Variants in BMP2K observed in about 807,000 individuals in gnomAD.
BMP2K encodes the protein BMP2 inducible kinase, also known as BMP-2-inducible protein kinase.
Under a neutral mutation model 116.0 loss-of-function variants are expected in BMP2K, and 74 were observed. That is an observed-to-expected ratio of 0.64 (90% confidence interval 0.53 to 0.77). The LOEUF (loss-of-function observed/expected upper bound fraction) is 0.77, where lower values mean the gene tolerates loss of function less well. Among genes scored for constraint, BMP2K ranks in the 30% least tolerant of loss-of-function variants. The pLI is 0.00. For missense variants in BMP2K, 1,365 were observed against 1,403.6 expected, an observed-to-expected ratio of 0.97 and a Z score of 0.44; for synonymous variants, 486 against 502.5, an observed-to-expected ratio of 0.97 and a Z score of 0.44.
In BMP2K at chr4:78,776,611, CTGG is replaced by C; in HGVS notation, c.69_71del (p.Gly25del). 8.4e-7 allele frequency: 1 copy of C among 1,190,734 alleles called. No individual in the cohort carries two copies. 73.8% of individuals were successfully genotyped at this position (1,190,734 alleles called of 1,614,324 possible). ...GGCGGCGGAGCGGCGGGTGGCGGGG[CTGG>C]CGGGGCCGGGGCCGGGGCCGGCTGC... On this transcript the variant is annotated inframe_deletion, in exon 1 of 16. Transcript: ENST00000502613.
rs775002265 is a variant in BMP2K at position 78,911,132 on chromosome 4, CCTT to C, written c.2589_2591del (p.Phe864del). On this transcript the variant is annotated inframe_deletion, in exon 16 of 16. Transcript: ENST00000502613. ...GAGTTTGATGTATTTGGCGCTGTCC[CCTT>C]CTTTGCAGTGCGTGCTCAACAGCCC... 17 of 1,613,998 alleles carry C rather than the reference CCTT, an allele frequency of 1.1e-5. No individual in the cohort carries two copies. The highest frequency in any genetic ancestry group is 1.3e-5 in the Non-Finnish European group (15 of 1,179,888).
chr4:78,782,648 G>GA (rs967965069), intron 1 of BMP2K, among the ~76,000 whole-genome samples: 4 of 151,836 alleles, frequency 2.6e-5, no homozygotes, highest in African/African-American at 9.7e-5. Flanking sequence ...AAACAGGAAA[G>GA]AAAAAAAATA....
chr4:78,847,355 G>A (rs1731058318), intron 6 of BMP2K, 86 bp downstream of exon 6: 6 of 910,022 alleles, frequency 6.6e-6, no homozygotes, highest in Non-Finnish European at 9.4e-6. Flanking sequence ...CTCCCCAAAA[G>A]GCATTTCCTA....
chr4:78,895,677 TAAAG>T (rs1262956135), intron 15 of BMP2K, among the ~76,000 whole-genome samples: 1 of 152,194 alleles, frequency 6.6e-6, no homozygotes, highest in Non-Finnish European at 1.5e-5. Context: ...TATCTATTGT[TAAAG>T]AAAAATCATC....
At position 78,911,642 on chromosome 4, in the gene BMP2K, G is replaced by A. The variant is rs1458362640; in HGVS notation, c.3095G>A (p.Ser1032Asn). 1.2e-6 allele frequency: 2 copies of A among 1,613,864 alleles called. No individual in the cohort carries two copies. Among genetic ancestry groups the A allele is most frequent in the Non-Finnish European group, 1.7e-6 (2 of 1,179,884 alleles). Residue 1032 changes from serine (S) to asparagine (N), a missense_variant, in exon 16 of 16, where the codon AGC (serine) becomes AAC (asparagine). Physicochemically the swap from Ser to Asn is conservative, Grantham distance 46. This residue lies in a region of BMP2K where 596 missense variants were observed against 623.2 expected (regional missense o/e 0.96). Coordinates refer to ENST00000502613, the MANE Select transcript of BMP2K (RefSeq NM_198892.2). ...GTGGGCCGCCGAGACTCTCAAAGTA[G>A]CAATGAATTTTTAACCATCTCAGAC... Reference protein sequence around the residue: ...KKVGRRDSQSSNEFLTISDSK... With the variant: ...KKVGRRDSQSNNEFLTISDSK...
chr4:78,793,994 C>T (rs1728132455), intron 1 of BMP2K, among the ~76,000 whole-genome samples: 1 of 152,084 alleles, frequency 6.6e-6, no homozygotes, highest in Admixed American at 6.5e-5. Context: ...GTGCACTTTG[C>T]AGTTGGGGTT....
chr4:78,865,443 A>G, intron 9 of BMP2K, 114 bp from the exon 10 acceptor site: 2 of 952,448 alleles, frequency 2.1e-6, no homozygotes, highest in Admixed American at 2.5e-5. Flanking sequence ...ATGAGGACTA[A>G]TGCGATTATC....
intron 2 of BMP2K, among the ~76,000 whole-genome samples, chr4:78,829,918 T>TTGGCTCACTGCAACCTTGGCCTCC (rs1240299068): frequency 1.8e-4 from 28 of 151,792 alleles, no homozygotes; most frequent in African/African-American, 6.8e-4. Flanking sequence ...TGGTGTGATC[T>TTGGCTCACTGCAACCTTGGCCTCC]TGGCTCACTG....
At position 78,911,162 on chromosome 4, in the gene BMP2K, A is replaced by G; in HGVS notation, c.2615A>G (p.Gln872Arg). 6 of 1,613,874 alleles carry G rather than the reference A, an allele frequency of 3.7e-6. No individual in the cohort carries two copies. The highest frequency in any genetic ancestry group is 5.1e-6 in the Non-Finnish European group (6 of 1,179,826). ...TTTGCAGTGCGTGCTCAACAGCCCC[A>G]GCAAGAAAAGAATGAAAAGAACCTC... ...PFFAVRAQQP[Q>R]QEKNEKNLPQ... The change falls in exon 16 of 16, where the codon CAG becomes CGG. Residue 872 changes from glutamine (Q) to arginine (R), a missense_variant. Around this residue, in one of 3 missense-constraint regions of BMP2K, gnomAD observed 596 missense variants for 623.2 expected, o/e 0.96. Transcript: ENST00000502613.
At chr4:78,872,008 G>A (rs2110060000) in intron 12 of BMP2K, 60 bp downstream of exon 12, 1 of 1,174,952 alleles carries the variant, frequency 8.5e-7, no homozygotes, top group Non-Finnish European at 1.2e-6. Flanking sequence ...GGAATTCACA[G>A]TATGAATCAT....
chr4:78,886,829 ACTGT>A (rs1424635895), intron 14 of BMP2K, among the ~76,000 whole-genome samples: 3 of 152,162 alleles, frequency 2.0e-5, no homozygotes, highest in African/African-American at 7.2e-5. Context: ...ATTTTTGGAG[ACTGT>A]CTGTCAAATA....
chr4:78,851,053 ATAAG>A lies in BMP2K; in HGVS notation c.883+4_883+7del, dbSNP rs780720210. 1.2e-6 allele frequency: 2 copies of A among 1,607,958 alleles called. No individual in the cohort carries two copies. The highest frequency in any genetic ancestry group is 1.7e-4 in the Middle Eastern group (1 of 5,950). ...TTACTCCCGTAACATACATTGCTTA[ATAAG>A]TAAGTATTTGGGAAAATGTATGAAA... On this transcript the variant is annotated splice_donor_variant and coding_sequence_variant, in exon 7 of 16. Transcript: ENST00000502613. LOFTEE classifies it high-confidence loss of function.
Position 78,857,754 on chromosome 4 carries a change from G to C in BMP2K, c.884-1830G>C, listed in dbSNP as rs141092174. Among the ~76,000 whole-genome samples the C allele has an allele frequency of 4.3e-4, 65 of 152,180 alleles. No homozygotes were observed. In the East Asian group the frequency reaches 0.012, roughly 27 times the overall value. ...ACTTTGTGTGAGCTATCTTTAGAAA[G>C]ACTCAACGGAGAATTTGCTCTCTAG... On this transcript the variant is annotated intron_variant, in intron 7 of 15. Coordinates refer to ENST00000502613, the MANE Select transcript of BMP2K (RefSeq NM_198892.2).
At chr4:78,787,030 AGGTGTG>A (rs1727764478) in intron 1 of BMP2K, among the ~76,000 whole-genome samples, 1 of 152,174 alleles carries the variant, frequency 6.6e-6, no homozygotes, top group Non-Finnish European at 1.5e-5. Context: ...CTGGGATTAC[AGGTGTG>A]AGGCACCATG....
At chr4:78,844,904 CAT>C in intron 4 of BMP2K, 22 bp from the exon 5 acceptor site, 1 of 1,554,668 alleles carries the variant, frequency 6.4e-7, no homozygotes, top group Non-Finnish European at 8.8e-7. Flanking sequence ...AAATACTACT[CAT>C]TATTGATTTT....
intron 1 of BMP2K, 152 bp downstream of exon 1, chr4:78,776,873 C>CT: frequency 1.3e-6 from 1 of 760,988 alleles, no homozygotes; most frequent in Non-Finnish European, 1.8e-6. Flanking sequence ...GTGGCTCGGG[C>CT]TTTCTCTCTT....
In BMP2K at chr4:78,859,582, A is replaced by G; in HGVS notation, c.884-2A>G. Reference sequence around the variant, plus strand: ...TCTTAACATTTTGATCTATTCTTGCAGGGTTCATGCTTGAACCAGATCCGG... The same window carrying G: ...TCTTAACATTTTGATCTATTCTTGCGGGGTTCATGCTTGAACCAGATCCGG... On this transcript the variant is annotated splice_acceptor_variant, in intron 7 of 15. Coordinates refer to ENST00000502613, the MANE Select transcript of BMP2K (RefSeq NM_198892.2). LOFTEE classifies it high-confidence loss of function. 2 of 1,594,744 alleles carry G rather than the reference A, an allele frequency of 1.3e-6. No homozygotes were observed. The highest frequency in any genetic ancestry group is 1.7e-5 in the Admixed American group (1 of 58,320).
At chr4:78,785,847 C>T (rs1295062419) in intron 1 of BMP2K, among the ~76,000 whole-genome samples, 2 of 152,126 alleles carry the variant, frequency 1.3e-5, no homozygotes, top group East Asian at 3.8e-4. Context: ...TCTTTCCTTG[C>T]CAAACCAATT....
chr4:78,871,148 C>T, intron 11 of BMP2K, 88 bp downstream of exon 11: 7 of 1,547,792 alleles, frequency 4.5e-6, no homozygotes, highest in Non-Finnish European at 6.1e-6. Flanking sequence ...GTATCATGGG[C>T]ACCTTGAACT....
Sources: allele counts gnomAD v4.1 joint callset (sites outside exome capture counted in the v4.1 genomes callset), GRCh38; gene constraint gnomAD v4.1.1; regional missense constraint gnomAD v4.1.1; transcripts MANE v1.5; gene names NCBI Gene and HGNC (gene_info 2026-07-23, HGNC 2026-07-21).